CUX2: variants seen among roughly 807,000 people sequenced by gnomAD.
CUX2 encodes the protein cut like homeobox 2.
A neutral mutation model predicts 144.8 loss-of-function variants in CUX2; 40 were observed. The ratio of observed to expected loss-of-function variants is 0.28; its 90% CI spans 0.21 to 0.36. The LOEUF (loss-of-function observed/expected upper bound fraction) is 0.36. CUX2 is among the 10% of genes least tolerant of loss of function. The pLI, the probability that CUX2 is intolerant of heterozygous loss-of-function variation, is 1.00. For missense variants in CUX2, 1,615 were observed against 1,994.0 expected (o/e 0.81, Z 3.62); for synonymous variants, 827 against 875.6 (o/e 0.94, Z 0.98).
chr12:111,244,245 A>G (rs898501178), intron 3 of CUX2, among the ~76,000 whole-genome samples: 3 of 152,088 alleles, frequency 2.0e-5, no homozygotes, highest in African/African-American at 7.2e-5. Context: ...AGCCATTGTG[A>G]TGGGCACTTT....
intron 18 of CUX2, among the ~76,000 whole-genome samples, chr12:111,331,757 T>C (rs867488394): frequency 6.6e-6 from 1 of 151,950 alleles, no homozygotes; most frequent in African/African-American, 2.4e-5. Context: ...ATTTTTCCAA[T>C]ATATAGTCAC....
intron 1 of CUX2, among the ~76,000 whole-genome samples, chr12:111,172,241 AG>A (rs1265102683): frequency 6.6e-6 from 1 of 152,244 alleles, no homozygotes; most frequent in African/African-American, 2.4e-5. Flanking sequence ...AATTTCTGTC[AG>A]AGAGACGCAG....
chr12:111,064,783 G>A (rs1870953775), intron 1 of CUX2, among the ~76,000 whole-genome samples: 1 of 152,164 alleles, frequency 6.6e-6, no homozygotes, highest in Non-Finnish European at 1.5e-5. Flanking sequence ...GTGAAATTGG[G>A]CAAGTGAATG....
chr12:111,338,209 C>T, intron 19 of CUX2, 77 bp from the exon 20 acceptor site: 1 of 1,452,536 alleles, frequency 6.9e-7, no homozygotes. Context: ...TGTCTCTGGC[C>T]TATTCCATGT....
chr12:111,165,060 C>G (rs1878049481), intron 1 of CUX2, among the ~76,000 whole-genome samples: 3 of 152,164 alleles, frequency 2.0e-5, no homozygotes. Flanking sequence ...CTGAAGCCAC[C>G]ACTCCACTGT....
chr12:111,228,136 C>T (rs1477532241), intron 3 of CUX2, among the ~76,000 whole-genome samples: 1 of 152,188 alleles, frequency 6.6e-6, no homozygotes, highest in Admixed American at 6.5e-5. Context: ...AAGACACATG[C>T]TCCTGTCTCT....
In CUX2 at chr12:111,190,137, C is replaced by T. The variant is rs978345159; in HGVS notation, c.64-24063C>T. ...TTGGGATCTCCTCTTATGTGAGGCA[C>T]TGATTTCAGTCTCTGGCCCATTTTT... On this transcript the variant is annotated intron_variant, in intron 1 of 21. Coordinates refer to ENST00000261726, the MANE Select transcript of CUX2 (RefSeq NM_015267.4). The surrounding 1 kb of genome is among the most constrained non-coding windows in gnomAD (Gnocchi z 4.0). Among the ~76,000 whole-genome samples, 1 of 152,124 alleles carries T rather than the reference C, an allele frequency of 6.6e-6. No homozygotes were observed. The highest frequency in any genetic ancestry group is 1.5e-5 in the Non-Finnish European group (1 of 68,036).
rs1011025642 is a variant in CUX2, at chr12:111,293,725, G to A, written c.560+156G>A. 1.1e-4 allele frequency among the ~76,000 whole-genome samples: 16 copies of A among 152,170 alleles called. No homozygotes were observed. The highest frequency in any genetic ancestry group is 3.4e-4 in the African/African-American group (14 of 41,448). On this transcript the variant is annotated intron_variant, in intron 6 of 21. Transcript: ENST00000261726. The surrounding 1 kb of genome is among the most constrained non-coding windows in gnomAD (Gnocchi z 4.5). ...GGGCCGAGGGCTTTGGACTCCAACCGGGTCTGGGTTCAAGTTCCACTGCAG... is the reference window on the plus strand; with the variant it reads ...GGGCCGAGGGCTTTGGACTCCAACCAGGTCTGGGTTCAAGTTCCACTGCAG...
intron 18 of CUX2, among the ~76,000 whole-genome samples, chr12:111,323,159 T>C (rs1455894085): frequency 6.6e-6 from 1 of 152,082 alleles, no homozygotes; most frequent in Non-Finnish European, 1.5e-5. Context: ...AGGGCCCTGG[T>C]GAGGCACCTA....
At chr12:111,076,510 G>C (rs1184357556) in intron 1 of CUX2, among the ~76,000 whole-genome samples, 1 of 152,218 alleles carries the variant, frequency 6.6e-6, no homozygotes, top group African/African-American at 2.4e-5. Flanking sequence ...GAATTCTGTT[G>C]GCTACACAGC....
At chr12:111,126,707 T>C (rs1875108778) in intron 1 of CUX2, among the ~76,000 whole-genome samples, 1 of 152,206 alleles carries the variant, frequency 6.6e-6, no homozygotes, top group African/African-American at 2.4e-5. Context: ...CCGTCACAGA[T>C]ACCCCCAGAA....
intron 1 of CUX2, among the ~76,000 whole-genome samples, chr12:111,103,576 AAGAAG>A (rs1873402374): frequency 6.6e-6 from 1 of 152,186 alleles, no homozygotes; most frequent in African/African-American, 2.4e-5. Context: ...GGCCAAGTGA[AAGAAG>A]AGAACTGGTT....
intron 1 of CUX2, among the ~76,000 whole-genome samples, chr12:111,181,877 A>ATC (rs1177936868): frequency 1.3e-5 from 2 of 152,272 alleles, no homozygotes; most frequent in East Asian, 3.9e-4. Context: ...CAGTTATTAA[A>ATC]TCTCTCTCTT....
At chr12:111,292,456 G>A (rs894002456) in intron 5 of CUX2, among the ~76,000 whole-genome samples, 3 of 152,148 alleles carry the variant, frequency 2.0e-5, no homozygotes, top group Non-Finnish European at 2.9e-5. Flanking sequence ...CGGGTTTGGT[G>A]GCTCACACCT....
chr12:111,144,587 A>G (rs1052638234), intron 1 of CUX2, among the ~76,000 whole-genome samples: 57 of 152,298 alleles, frequency 3.7e-4, no homozygotes, highest in African/African-American at 1.3e-3. Context: ...GGGGACATGC[A>G]TATTTCCTCT....
intron 1 of CUX2, among the ~76,000 whole-genome samples, chr12:111,038,936 T>C (rs1869598017): frequency 6.6e-6 from 1 of 152,010 alleles, no homozygotes; most frequent in Non-Finnish European, 1.5e-5. Context: ...TGGTGGTTTT[T>C]CTTTCTTTTA....
rs374451257 is a variant in CUX2 at position 111,255,214 on chromosome 12, C to A, written c.223-8547C>A. ...GGGCCTCTCTGGGACCCCTGGGTGA[C>A]CCTCCAGAGGGCCAGAGAGGGTCTC... On this transcript the variant is annotated intron_variant, in intron 3 of 21. Coordinates refer to ENST00000261726, the MANE Select transcript of CUX2 (RefSeq NM_015267.4). This position sits in a 1 kb window ranked among gnomAD's most constrained non-coding sequence, Gnocchi z 4.1. Among the ~76,000 whole-genome samples, 7 of 152,312 alleles carry A rather than the reference C, an allele frequency of 4.6e-5. No homozygotes were observed. The East Asian group carries it at 1.2e-3, about 25-fold the overall frequency.
At position 111,347,456 on chromosome 12, in the gene CUX2, A is replaced by G. The variant is rs899511100; in HGVS notation, c.3660-68A>G. On this transcript the variant is annotated intron_variant, in intron 21 of 21. Transcript: ENST00000261726. ...AGTGGGTGGGACCAAAATGCCATGT[A>G]TGCAGATGGAGTCCAGGGTTTGGGA... The G allele has an allele frequency of 2.8e-6, 4 of 1,447,062 alleles. No individual in the cohort carries two copies. The African/African-American group carries it at 5.7e-5, about 21-fold the overall frequency. The allele number at this position is 1,447,062 out of a possible 1,614,324, so 89.6% of individuals were successfully genotyped here.
At chr12:111,224,172 T>TC (rs1882005683) in intron 3 of CUX2, among the ~76,000 whole-genome samples, 1 of 151,872 alleles carries the variant, frequency 6.6e-6, no homozygotes, top group African/African-American at 2.4e-5. Flanking sequence ...GACAGACCAT[T>TC]CCCCCGTCCT....
Sources: allele counts gnomAD v4.1 joint callset (sites outside exome capture counted in the v4.1 genomes callset), GRCh38; gene constraint gnomAD v4.1.1; non-coding constraint Gnocchi (gnomAD v3.1); transcripts MANE v1.5; gene names NCBI Gene and HGNC (gene_info 2026-07-23, HGNC 2026-07-21).